Variants in SEL1L2 observed in about 807,000 individuals in gnomAD.
SEL1L2 encodes the protein SEL1L2 adaptor subunit of SYVN1 ubiquitin ligase.
A neutral mutation model predicts 98.8 loss-of-function variants in SEL1L2; 89 were observed. The observed-to-expected ratio is 0.90, with a 90% CI of 0.76 to 1.07. The LOEUF (loss-of-function observed/expected upper bound fraction) is 1.07. SEL1L2 is among the 50% of genes least tolerant of loss of function. The probability of loss-of-function intolerance (pLI) is 0.00; values close to 1 mark genes in which losing one functional copy is unlikely to be tolerated. For missense variants in SEL1L2, 788 were observed against 812.0 expected (o/e 0.97, Z 0.36); for synonymous variants, 262 against 278.5 (o/e 0.94, Z 0.59).
At chr20:13,964,855 TGACATCTTCCCCCAGAC>T (rs1222965049) in intron 1 of SEL1L2, among the ~76,000 whole-genome samples, 1 of 152,200 alleles carries the variant, frequency 6.6e-6, no homozygotes, top group Non-Finnish European at 1.5e-5. Flanking sequence ...TCTCATTCAA[TGACATCTTCCCCCAGAC>T]ATATTTGCTT....
chr20:13,978,647 A>G (rs2051660525), intron 1 of SEL1L2, among the ~76,000 whole-genome samples: 3 of 152,242 alleles, frequency 2.0e-5, no homozygotes, highest in Non-Finnish European at 4.4e-5. Context: ...TAACCAAGAT[A>G]TGAAGTCAAC....
At chr20:13,953,702 C>G (rs2050383111) in intron 2 of SEL1L2, among the ~76,000 whole-genome samples, 1 of 152,208 alleles carries the variant, frequency 6.6e-6, no homozygotes, top group African/African-American at 2.4e-5. Context: ...CACTCTCTCG[C>G]TTTGCTGAAA....
intron 10 of SEL1L2, among the ~76,000 whole-genome samples, chr20:13,881,873 A>G (rs1482012208): frequency 6.6e-6 from 1 of 152,194 alleles, no homozygotes; most frequent in African/African-American, 2.4e-5. Flanking sequence ...TGAGGACTAT[A>G]GTTAAAAATA....
chr20:13,850,107 C>T, intron 19 of SEL1L2, 84 bp downstream of exon 19: 3 of 1,521,606 alleles, frequency 2.0e-6, no homozygotes, highest in Non-Finnish European at 2.7e-6. Context: ...ACAAGAGACT[C>T]CCTGATGGGC....
chr20:13,850,201 A>G lies in SEL1L2; in HGVS notation c.1937T>C (p.Leu646Pro), dbSNP rs1313718095. The change falls in exon 19 of 20, where the codon CTG (leucine) becomes CCG (proline). Residue 646 changes from leucine to proline, a missense_variant. By Grantham distance (98) the Leu-to-Pro change is moderately conservative. Coordinates refer to ENST00000284951, the MANE Select transcript of SEL1L2 (RefSeq NM_025229.2). The part of the protein sequence containing the change: ...LETTHLLRDI[L>P]FFNFTTRWNW... ...TCAAGACAAACTTACATTAAAAAACAGGATATCCCGGAGCAAATGCGTAGT... is the reference window on the plus strand; with the variant it reads ...TCAAGACAAACTTACATTAAAAAACGGGATATCCCGGAGCAAATGCGTAGT... 7.4e-6 allele frequency: 12 copies of G among 1,613,748 alleles called. No individual in the cohort carries two copies. Among genetic ancestry groups the G allele is most frequent in the Non-Finnish European group, 1.0e-5 (12 of 1,179,814 alleles).
intron 5 of SEL1L2, among the ~76,000 whole-genome samples, chr20:13,898,727 C>G (rs1431117031): frequency 1.3e-5 from 2 of 150,254 alleles, no homozygotes; most frequent in Non-Finnish European, 3.0e-5. Context: ...TTAATGGCTT[C>G]CCATTGTTTT....
chr20:13,960,937 A>T (rs2050748880), intron 1 of SEL1L2, among the ~76,000 whole-genome samples: 1 of 152,226 alleles, frequency 6.6e-6, no homozygotes, highest in Admixed American at 6.5e-5. Flanking sequence ...AATAGCGTAC[A>T]CCATCAAAAA....
intron 5 of SEL1L2, among the ~76,000 whole-genome samples, chr20:13,912,320 T>C (rs1453026422): frequency 7.1e-6 from 1 of 141,558 alleles, no homozygotes; most frequent in Admixed American, 7.4e-5. Context: ...TTTTTTGAGA[T>C]GGAGTCTTGC....
chr20:13,986,993 A>G (rs1461533490), intron 1 of SEL1L2, among the ~76,000 whole-genome samples: 2 of 151,838 alleles, frequency 1.3e-5, no homozygotes, highest in Admixed American at 1.3e-4. Context: ...CCACAAGTCC[A>G]GCTAATTTTT....
Position 13,913,927 on chromosome 20 carries a change from G to A in SEL1L2, c.404C>T (p.Ala135Val). ...CAAGTTTCCCATGTCAGCTGCTTTG[G>A]CAAAAAGTAGGTAGGCTCTGTTTCA... ...KQKEEAYLLFAKAADMGNLKA... is the reference protein window; with the variant it reads ...KQKEEAYLLFVKAADMGNLKA... The change falls in exon 5 of 20, where the codon GCC becomes GTC. Residue 135 changes from alanine (A) to valine (V), a missense_variant. Transcript: ENST00000284951. 2 of 1,558,656 alleles carry A rather than the reference G, an allele frequency of 1.3e-6. No homozygotes were observed. The highest frequency in any genetic ancestry group is 1.3e-5 in the South Asian group (1 of 79,744).
intron 1 of SEL1L2, among the ~76,000 whole-genome samples, chr20:13,962,016 A>G (rs1569048086): frequency 6.6e-6 from 1 of 152,170 alleles, no homozygotes; most frequent in Non-Finnish European, 1.5e-5. Flanking sequence ...ATACCTAAGG[A>G]ACTTCATCGA....
At chr20:13,967,766 C>T (rs2051116821) in intron 1 of SEL1L2, among the ~76,000 whole-genome samples, 3 of 150,088 alleles carry the variant, frequency 2.0e-5, no homozygotes, top group African/African-American at 7.4e-5. Context: ...TGCCCCCCAA[C>T]CTCTATGCTC....
intron 3 of SEL1L2, among the ~76,000 whole-genome samples, chr20:13,920,640 G>A (rs1320033851): frequency 1.3e-5 from 2 of 151,796 alleles, no homozygotes; most frequent in African/African-American, 4.8e-5. Context: ...GCCTCTTGAA[G>A]TCCATTACAA....
intron 1 of SEL1L2, chr20:13,973,252 G>A (rs2051366919): frequency 6.6e-6 from 1 of 152,134 alleles, no homozygotes; most frequent in South Asian, 2.1e-4. Flanking sequence ...CATGGATTAA[G>A]TAACCTCTCT....
intron 5 of SEL1L2, among the ~76,000 whole-genome samples, chr20:13,891,220 G>C (rs570282849): frequency 9.2e-5 from 14 of 152,124 alleles, no homozygotes; most frequent in Non-Finnish European, 1.2e-4. Context: ...TTACAATCAA[G>C]TTTTCAAAAG....
intron 8 of SEL1L2, 110 bp downstream of exon 8, chr20:13,887,659 C>A: frequency 1.4e-6 from 1 of 698,404 alleles, no homozygotes; most frequent in Non-Finnish European, 2.5e-6. Context: ...ATATTAAAAA[C>A]GTACACTTTT....
chr20:13,849,600 G>A lies in SEL1L2; in HGVS notation c.1952C>T (p.Thr651Ile), dbSNP rs904216079. 2 of 1,613,702 alleles carry A rather than the reference G, an allele frequency of 1.2e-6. No homozygotes were observed. Among genetic ancestry groups the A allele is most frequent in the Non-Finnish European group, 1.7e-6 (2 of 1,179,832 alleles). Reference sequence around the variant, plus strand: ...CAGTTTCAGCCAGTTCCATCTCGTTGTGAACTGCTGGCAAGAGACATTCTC... The same window carrying A: ...CAGTTTCAGCCAGTTCCATCTCGTTATGAACTGCTGGCAAGAGACATTCTC... ...LLRDILFFNF[T>I]TRWNWLKLDN... The change falls in exon 20 of 20, where the codon ACA becomes ATA. Residue 651 changes from threonine (T) to isoleucine (I), a missense_variant. Physicochemically the swap from Thr to Ile is moderately conservative, Grantham distance 89 (BLOSUM62 -1). Coordinates refer to ENST00000284951, the MANE Select transcript of SEL1L2 (RefSeq NM_025229.2).
intron 3 of SEL1L2, 46 bp from the exon 4 acceptor site, chr20:13,919,169 T>C: frequency 8.7e-7 from 1 of 1,149,614 alleles, no homozygotes; most frequent in Non-Finnish European, 1.3e-6. Flanking sequence ...ACTTCTATGT[T>C]CCATATTTTA....
At position 13,849,299 on chromosome 20, in the gene SEL1L2, T is replaced by G. The variant is rs1987822026; in HGVS notation, c.*186A>C. On this transcript the variant is annotated 3_prime_UTR_variant, in exon 20 of 20. Transcript: ENST00000284951. ...AGTTCCCAGCATCCCGCAAAGGGTT[T>G]TCTCTACTAAGCAGGAAGTCTGAAG... is the stretch of plus-strand genomic sequence containing the variant. 4.6e-6 allele frequency: 3 copies of G among 654,904 alleles called. No homozygotes were observed. The highest frequency in any genetic ancestry group is 7.6e-6 in the Non-Finnish European group (3 of 395,982). 40.6% of individuals were successfully genotyped at this position (654,904 alleles called of 1,614,324 possible).
Sources: gnomAD v4.1 joint callset for allele counts (sites outside exome capture counted in the v4.1 genomes callset) on GRCh38, gnomAD v4.1.1 for gene constraint, MANE v1.5 for transcripts, NCBI Gene and HGNC (gene_info 2026-07-23, HGNC 2026-07-21) for gene names.